JAK2: variants seen among roughly 807,000 people sequenced by gnomAD.
JAK2 encodes tyrosine-protein kinase JAK2.
JAK2 carries 86 observed loss-of-function variants against 139.3 expected under a neutral mutation model. That is an observed-to-expected ratio of 0.62 (90% CI 0.52 to 0.74). JAK2 has a LOEUF of 0.74. Among genes scored for constraint, JAK2 ranks in the 30% least tolerant of loss-of-function variants. The probability of loss-of-function intolerance (pLI) is 0.00; values close to 1 mark genes in which losing one functional copy is unlikely to be tolerated. For synonymous variants in JAK2, 490 were observed against 437.7 expected, an observed-to-expected ratio of 1.12 and a Z score of -1.49; for missense variants, 1,421 against 1,360.3, an observed-to-expected ratio of 1.04 and a Z score of -0.70.
chr9:4,986,329 A>G (rs186831071), intron 2 of JAK2, among the ~76,000 whole-genome samples: 34 of 152,330 alleles, frequency 2.2e-4, no homozygotes, highest in Admixed American at 2.2e-3. Context: ...TTAATCCTTT[A>G]AAGAGGAGTA....
intron 5 of JAK2, among the ~76,000 whole-genome samples, chr9:5,050,354 G>T (rs1817326547): frequency 6.6e-6 from 1 of 152,084 alleles, no homozygotes; most frequent in Non-Finnish European, 1.5e-5. Context: ...AGGGTGCAGT[G>T]GTGTGATCAT....
intron 2 of JAK2, among the ~76,000 whole-genome samples, chr9:5,002,273 C>CATTT (rs1820969360): frequency 6.6e-6 from 1 of 151,836 alleles, no homozygotes; most frequent in Admixed American, 6.6e-5. Context: ...CCATCATAAG[C>CATTT]ATTTATAGCT....
At chr9:5,037,502 A>G (rs1399845070) in intron 4 of JAK2, among the ~76,000 whole-genome samples, 1 of 152,244 alleles carries the variant, frequency 6.6e-6, no homozygotes, top group Non-Finnish European at 1.5e-5. Context: ...TGTGGCACAT[A>G]TACACCATGG....
intron 2 of JAK2, among the ~76,000 whole-genome samples, chr9:5,000,066 T>C (rs1205732023): frequency 6.6e-6 from 1 of 152,228 alleles, no homozygotes; most frequent in Non-Finnish European, 1.5e-5. Context: ...ATTTCTTTTG[T>C]GAAATGCCTA....
chr9:5,046,757 G>A (rs574938207), intron 5 of JAK2, among the ~76,000 whole-genome samples: 6 of 152,226 alleles, frequency 3.9e-5, no homozygotes, highest in African/African-American at 1.4e-4. Context: ...TGAAAAGAGA[G>A]GGGAATGGAG....
chr9:5,070,465 A>G (rs1054212039), intron 12 of JAK2, among the ~76,000 whole-genome samples: 2 of 152,190 alleles, frequency 1.3e-5, no homozygotes, highest in Non-Finnish European at 2.9e-5. Context: ...ATGGATACCA[A>G]AATCTGAGGA....
intron 12 of JAK2, among the ~76,000 whole-genome samples, chr9:5,071,513 C>T (rs576431734): frequency 1.3e-4 from 20 of 152,058 alleles, no homozygotes; most frequent in Non-Finnish European, 2.2e-4. Context: ...TAAATATCCT[C>T]ATTGACATTA....
chr9:4,997,035 C>G (rs1041497652), intron 2 of JAK2, among the ~76,000 whole-genome samples: 1 of 149,652 alleles, frequency 6.7e-6, no homozygotes, highest in Non-Finnish European at 1.5e-5. Context: ...GTCCAGTGAT[C>G]CTCCTACCTC....
intron 22 of JAK2, 185 bp downstream of exon 22, chr9:5,091,096 G>A: frequency 2.1e-6 from 1 of 467,594 alleles, no homozygotes. Flanking sequence ...TGGGAAAATG[G>A]CATATGCTTT....
chr9:4,998,339 T>C (rs903860646), intron 2 of JAK2, among the ~76,000 whole-genome samples: 1 of 151,956 alleles, frequency 6.6e-6, no homozygotes, highest in Admixed American at 6.6e-5. Flanking sequence ...TCACTGCAAC[T>C]TCTGCCTCCC....
chr9:5,101,378 G>C (rs1177284378), intron 22 of JAK2, among the ~76,000 whole-genome samples: 1 of 152,222 alleles, frequency 6.6e-6, no homozygotes, highest in East Asian at 1.9e-4. Context: ...AAGTGGCCAG[G>C]GAAGCTCGAA....
chr9:5,053,596 T>C (rs1352648360), intron 6 of JAK2, among the ~76,000 whole-genome samples: 1 of 151,942 alleles, frequency 6.6e-6, no homozygotes, highest in African/African-American at 2.4e-5. Flanking sequence ...CTTGAAATAA[T>C]GGAACAGAAG....
At chr9:5,102,079 T>C (rs1821539306) in intron 22 of JAK2, among the ~76,000 whole-genome samples, 1 of 152,120 alleles carries the variant, frequency 6.6e-6, no homozygotes, top group Non-Finnish European at 1.5e-5. Flanking sequence ...AGGTTGGTAA[T>C]AACAAACTTC....
At chr9:4,991,539 G>A (rs1032891904) in intron 2 of JAK2, among the ~76,000 whole-genome samples, 10 of 152,148 alleles carry the variant, frequency 6.6e-5, no homozygotes, top group Non-Finnish European at 1.2e-4. Context: ...GGCAACTCAC[G>A]TAATCAGTGA....
chr9:4,997,494 A>G (rs1375477460), intron 2 of JAK2, among the ~76,000 whole-genome samples: 7 of 152,174 alleles, frequency 4.6e-5, no homozygotes, highest in African/African-American at 1.7e-4. Flanking sequence ...GCAAGAACTC[A>G]GTATCTTCAG....
At chr9:5,033,123 A>G (rs1823294023) in intron 4 of JAK2, among the ~76,000 whole-genome samples, 1 of 152,240 alleles carries the variant, frequency 6.6e-6, no homozygotes, top group South Asian at 2.1e-4. Flanking sequence ...AGCCGATTCA[A>G]TCAATAGGAA....
At chr9:5,108,778 C>G (rs1822190417) in intron 22 of JAK2, 1 of 152,086 alleles carries the variant, frequency 6.6e-6, no homozygotes, top group Non-Finnish European at 1.5e-5. Flanking sequence ...TCAGTTATTG[C>G]CTACTCCTCT....
intron 2 of JAK2, among the ~76,000 whole-genome samples, chr9:4,992,024 C>T (rs759174444): frequency 3.3e-5 from 5 of 152,162 alleles, no homozygotes; most frequent in Non-Finnish European, 7.3e-5. Context: ...TACCATGGGT[C>T]AGTAATTGAG....
intron 2 of JAK2, among the ~76,000 whole-genome samples, chr9:4,996,655 A>G (rs1462492997): frequency 6.7e-6 from 1 of 148,862 alleles, no homozygotes; most frequent in East Asian, 1.9e-4. Flanking sequence ...GGAATCCACC[A>G]TTTAGGACCC....
Sources: gnomAD v4.1 joint callset for allele counts (sites outside exome capture counted in the v4.1 genomes callset) on GRCh38, gnomAD v4.1.1 for gene constraint, MANE v1.5 for transcripts, NCBI Gene and HGNC (gene_info 2026-07-23, HGNC 2026-07-21) for gene names.